AFG1L: variants seen among roughly 807,000 people sequenced by gnomAD.
AFG1L encodes the protein AFG1-like ATPase.
A neutral mutation model predicts 62.2 loss-of-function variants in AFG1L; 53 were observed. The observed-to-expected ratio is 0.85, with a 90% CI of 0.68 to 1.07. The LOEUF (loss-of-function observed/expected upper bound fraction) is 1.07, where lower values mean the gene tolerates loss of function less well. AFG1L is among the 50% of genes least tolerant of loss of function. The pLI is 0.00. For missense variants in AFG1L, 555 were observed against 590.5 expected, an observed-to-expected ratio of 0.94 and a Z score of 0.62; for synonymous variants, 228 against 210.3, an observed-to-expected ratio of 1.08 and a Z score of -0.73.
intron 8 of AFG1L, among the ~76,000 whole-genome samples, chr6:108,450,070 A>G (rs576501474): frequency 3.1e-4 from 47 of 152,308 alleles, no homozygotes; most frequent in African/African-American, 1.1e-3. Flanking sequence ...ATACGTGTGC[A>G]TGTGTCTTTA....
At chr6:108,443,164 G>A (rs1465886743) in intron 7 of AFG1L, among the ~76,000 whole-genome samples, 3 of 152,196 alleles carry the variant, frequency 2.0e-5, no homozygotes, top group Non-Finnish European at 4.4e-5. Flanking sequence ...GGCTCAGCTG[G>A]CAATTCTGGC....
chr6:108,339,567 C>T (rs1778603841), intron 2 of AFG1L, among the ~76,000 whole-genome samples: 1 of 148,026 alleles, frequency 6.8e-6, no homozygotes, highest in African/African-American at 2.5e-5. Context: ...TCAAGTGATT[C>T]TCCCACCTCA....
chr6:108,508,059 T>C (rs1421672249), intron 10 of AFG1L, among the ~76,000 whole-genome samples: 1 of 152,204 alleles, frequency 6.6e-6, no homozygotes, highest in Non-Finnish European at 1.5e-5. Flanking sequence ...CTAAACACTT[T>C]GCATATATTA....
At chr6:108,454,173 A>G (rs1772165392) in intron 8 of AFG1L, among the ~76,000 whole-genome samples, 1 of 152,200 alleles carries the variant, frequency 6.6e-6, no homozygotes, top group African/African-American at 2.4e-5. Flanking sequence ...TTTAGACTCC[A>G]TTATATTCCT....
intron 10 of AFG1L, 89 bp from the exon 11 acceptor site, chr6:108,510,123 C>CAAGA: frequency 1.0e-6 from 1 of 953,026 alleles, no homozygotes; most frequent in Non-Finnish European, 1.5e-6. Flanking sequence ...CACACCATGA[C>CAAGA]AAGAAAGAGG....
At chr6:108,404,512 C>T (rs1781766299) in intron 7 of AFG1L, among the ~76,000 whole-genome samples, 1 of 151,794 alleles carries the variant, frequency 6.6e-6, no homozygotes, top group Non-Finnish European at 1.5e-5. Flanking sequence ...AGTGAGTACT[C>T]TTCGGTTGTT....
intron 1 of AFG1L, among the ~76,000 whole-genome samples, chr6:108,299,035 C>T (rs1276298043): frequency 6.6e-6 from 1 of 151,780 alleles, no homozygotes; most frequent in Non-Finnish European, 1.5e-5. Flanking sequence ...CTGAGGCTGG[C>T]GGATCACCTG....
intron 11 of AFG1L, among the ~76,000 whole-genome samples, chr6:108,515,112 A>G (rs987665362): frequency 5.9e-5 from 9 of 152,222 alleles, no homozygotes; most frequent in African/African-American, 2.2e-4. Flanking sequence ...CAACAAGGAT[A>G]TCCAGGAATT....
intron 10 of AFG1L, among the ~76,000 whole-genome samples, chr6:108,489,632 T>C (rs1185337754): frequency 6.6e-6 from 1 of 152,060 alleles, no homozygotes; most frequent in East Asian, 1.9e-4. Context: ...ACTTGAGAGA[T>C]TGCACGAAAC....
chr6:108,337,440 C>T (rs758362294), intron 2 of AFG1L, among the ~76,000 whole-genome samples: 1 of 152,130 alleles, frequency 6.6e-6, no homozygotes, highest in Non-Finnish European at 1.5e-5. Flanking sequence ...TGCTTTGTCC[C>T]CCCTTCTATT....
At chr6:108,437,231 C>T (rs1421217821) in intron 7 of AFG1L, among the ~76,000 whole-genome samples, 2 of 152,120 alleles carry the variant, frequency 1.3e-5, no homozygotes, top group Admixed American at 6.5e-5. Flanking sequence ...ATGATGGACT[C>T]ATTTATTTAC....
intron 8 of AFG1L, among the ~76,000 whole-genome samples, chr6:108,458,338 CT>C: frequency 6.6e-6 from 1 of 152,086 alleles, no homozygotes; most frequent in African/African-American, 2.4e-5. Context: ...TTTTTTCATT[CT>C]TTTTTTCTTC....
intron 8 of AFG1L, among the ~76,000 whole-genome samples, chr6:108,456,722 A>T (rs1582615404): frequency 1.3e-5 from 2 of 152,178 alleles, no homozygotes; most frequent in South Asian, 4.1e-4. Flanking sequence ...ATGGAATCAC[A>T]TAAGATGTAA....
chr6:108,510,294 C>T lies in AFG1L; in HGVS notation c.1145C>T (p.Ala382Val). Residue 382 changes from alanine (A) to valine (V), a missense_variant, in exon 11 of 13, where the codon GCA (alanine) becomes GTA (valine). By Grantham distance (64) the Ala-to-Val change is moderately conservative (BLOSUM62 0). Transcript: ENST00000368977. ...FLRNIPQFTL[A>V]NRTQGRRFIT... is the part of the protein sequence containing the mutation. ...CGAAACATTCCGCAATTTACTCTGGCAAACAGGACTCAAGGTCGAAGATTC... is the reference window on the plus strand; with the variant it reads ...CGAAACATTCCGCAATTTACTCTGGTAAACAGGACTCAAGGTCGAAGATTC... 1.2e-6 allele frequency: 2 copies of T among 1,612,110 alleles called. No individual in the cohort carries two copies. Among genetic ancestry groups the T allele is most frequent in the Non-Finnish European group, 1.7e-6 (2 of 1,178,646 alleles).
intron 1 of AFG1L, among the ~76,000 whole-genome samples, chr6:108,301,514 A>G (rs6936446): frequency 0.11 from 16,156 of 152,242 alleles, 2,425 homozygotes; most frequent in African/African-American, 0.33. Flanking sequence ...TTCAGGGTAG[A>G]GAGGAGCTCA....
chr6:108,403,218 A>T (rs1781706812), intron 7 of AFG1L, among the ~76,000 whole-genome samples: 1 of 152,166 alleles, frequency 6.6e-6, no homozygotes, highest in South Asian at 2.1e-4. Context: ...TAATTCCCAT[A>T]ATTTTAGATA....
intron 10 of AFG1L, among the ~76,000 whole-genome samples, chr6:108,484,756 A>G (rs770785490): frequency 1.3e-5 from 2 of 152,202 alleles, no homozygotes; most frequent in Non-Finnish European, 2.9e-5. Flanking sequence ...AAAAAGTAAG[A>G]TGTACATAAG....
chr6:108,316,768 G>A (rs1027916339), intron 1 of AFG1L, among the ~76,000 whole-genome samples: 1 of 151,982 alleles, frequency 6.6e-6, no homozygotes, highest in South Asian at 2.1e-4. Context: ...TCCTGACCTC[G>A]TGATCTGCCC....
At chr6:108,402,437 C>G (rs1163091019) in intron 7 of AFG1L, among the ~76,000 whole-genome samples, 1 of 148,910 alleles carries the variant, frequency 6.7e-6, no homozygotes, top group African/African-American at 2.5e-5. Context: ...ACACTCTAGC[C>G]TGGGTGACAG....
Sources: gnomAD v4.1 joint callset for allele counts (sites outside exome capture counted in the v4.1 genomes callset) on GRCh38, gnomAD v4.1.1 for gene constraint, MANE v1.5 for transcripts, NCBI Gene and HGNC (gene_info 2026-07-23, HGNC 2026-07-21) for gene names.